Variants in ADGRB3 observed in about 807,000 individuals in gnomAD.
ADGRB3 encodes the protein adhesion G protein-coupled receptor B3.
In ADGRB3, 37 loss-of-function variants were observed where a neutral mutation model predicts 193.4. The ratio of observed to expected loss-of-function variants is 0.19; its 90% CI spans 0.15 to 0.25. The LOEUF is 0.25. Ranked by LOEUF, ADGRB3 falls within the 10% of genes least tolerant of loss-of-function variation. ADGRB3 has a pLI of 1.00. For synonymous variants in ADGRB3, 690 were observed against 644.2 expected, an observed-to-expected ratio of 1.07 and a Z score of -1.08; for missense variants, 1,637 against 1,852.9, an observed-to-expected ratio of 0.88 and a Z score of 2.14.
chr6:68,863,933 A>T (rs1222898737), intron 3 of ADGRB3, among the ~76,000 whole-genome samples: 1 of 152,206 alleles, frequency 6.6e-6, no homozygotes, highest in Admixed American at 6.5e-5. Flanking sequence ...AAATTATTGC[A>T]TTTATTCTAG....
rs564223018 is a variant in ADGRB3, at chr6:69,217,018, G to A, written c.2481-16272G>A. Reference sequence around the variant, plus strand: ...TGAGGAAAAAGGGAAAAGACATTTAGGAGGCATGATTCTTATTCTTGAAGC... The same window carrying A: ...TGAGGAAAAAGGGAAAAGACATTTAAGAGGCATGATTCTTATTCTTGAAGC... On this transcript the variant is annotated intron_variant, in intron 17 of 31. Transcript: ENST00000370598. Among the ~76,000 whole-genome samples the A allele has an allele frequency of 4.6e-5, 7 of 152,248 alleles. No homozygotes were observed. In the East Asian group the frequency reaches 5.8e-4, roughly 13 times the overall value.
In ADGRB3 at chr6:68,835,413, C is replaced by T. The variant is rs561697167; in HGVS notation, c.758-95146C>T. On this transcript the variant is annotated intron_variant, in intron 3 of 31. Transcript: ENST00000370598. ...ATGATGTGTGCTGCTTCCTTGTTCT[C>T]TTATTTGTATAATAAAGAATTATGT... Among the ~76,000 whole-genome samples, 9 of 152,100 alleles carry T rather than the reference C, an allele frequency of 5.9e-5. No homozygotes were observed. In the South Asian group the frequency reaches 1.9e-3, roughly 32 times the overall value.
intron 17 of ADGRB3, among the ~76,000 whole-genome samples, chr6:69,169,648 T>C (rs929622503): frequency 4.6e-5 from 7 of 151,824 alleles, no homozygotes; most frequent in African/African-American, 1.7e-4. Context: ...TTACAAAAAG[T>C]ACAAATTGAA....
chr6:69,085,972 A>G (rs1772537038), intron 17 of ADGRB3, among the ~76,000 whole-genome samples: 1 of 151,988 alleles, frequency 6.6e-6, no homozygotes, highest in South Asian at 2.1e-4. Flanking sequence ...AAATGCATGT[A>G]TCAATAATGA....
chr6:69,349,905 A>G (rs1383139347), intron 26 of ADGRB3, among the ~76,000 whole-genome samples: 1 of 152,168 alleles, frequency 6.6e-6, no homozygotes, highest in Non-Finnish European at 1.5e-5. Context: ...CTTTCCTGTG[A>G]GGTTTGTCTG....
chr6:69,078,838 T>C (rs1388957860), intron 17 of ADGRB3, among the ~76,000 whole-genome samples: 1 of 152,078 alleles, frequency 6.6e-6, no homozygotes. Flanking sequence ...ATAAAAGAAA[T>C]ACTTTGTCTT....
chr6:69,366,678 C>T (rs1336392627), intron 29 of ADGRB3, among the ~76,000 whole-genome samples: 1 of 152,078 alleles, frequency 6.6e-6, no homozygotes, highest in African/African-American at 2.4e-5. Flanking sequence ...TCTTAGCTGT[C>T]AGTTGACCTG....
chr6:69,122,052 G>A (rs1389412569), intron 17 of ADGRB3, among the ~76,000 whole-genome samples: 1 of 151,738 alleles, frequency 6.6e-6, no homozygotes, highest in East Asian at 2.0e-4. Context: ...TCCCAGACGG[G>A]GTGGTGGCCG....
At chr6:68,782,814 G>C (rs1369544473) in intron 3 of ADGRB3, among the ~76,000 whole-genome samples, 1 of 151,420 alleles carries the variant, frequency 6.6e-6, no homozygotes, top group East Asian at 1.9e-4. Flanking sequence ...ACTTTTTGAT[G>C]GGGTTGTTTG....
At chr6:68,794,556 C>T (rs528344791) in intron 3 of ADGRB3, among the ~76,000 whole-genome samples, 1 of 152,052 alleles carries the variant, frequency 6.6e-6, no homozygotes, top group Non-Finnish European at 1.5e-5. Context: ...TTAATATTCA[C>T]AACAACCCTT....
At chr6:69,230,013 A>G (rs1766098808) in intron 17 of ADGRB3, among the ~76,000 whole-genome samples, 1 of 152,210 alleles carries the variant, frequency 6.6e-6, no homozygotes, top group Admixed American at 6.5e-5. Context: ...GAAGAGGTAC[A>G]GTTTACAGCT....
chr6:69,317,451 A>T (rs139385595), intron 20 of ADGRB3, among the ~76,000 whole-genome samples: 3 of 151,484 alleles, frequency 2.0e-5, no homozygotes, highest in African/African-American at 7.3e-5. Flanking sequence ...CTTCCCTGTG[A>T]CAATGCTGAG....
At chr6:69,257,018 T>C (rs1766791853) in intron 20 of ADGRB3, among the ~76,000 whole-genome samples, 1 of 152,204 alleles carries the variant, frequency 6.6e-6, no homozygotes, top group Non-Finnish European at 1.5e-5. Flanking sequence ...TTGATTTGTG[T>C]ATTTTGAACC....
intron 3 of ADGRB3, among the ~76,000 whole-genome samples, chr6:68,781,957 GTA>G (rs1766862063): frequency 6.6e-6 from 1 of 151,882 alleles, no homozygotes; most frequent in Non-Finnish European, 1.5e-5. Flanking sequence ...GTTGTGCCAG[GTA>G]TACTCTTTTT....
chr6:69,167,864 C>T (rs1216893204), intron 17 of ADGRB3, among the ~76,000 whole-genome samples: 1 of 152,092 alleles, frequency 6.6e-6, no homozygotes, highest in African/African-American at 2.4e-5. Flanking sequence ...AGGGGACTTG[C>T]ACTGGGGTGG....
intron 3 of ADGRB3, among the ~76,000 whole-genome samples, chr6:68,724,577 A>T (rs151101574): frequency 2.8e-4 from 42 of 151,734 alleles, no homozygotes; most frequent in African/African-American, 8.2e-4. Context: ...CTGAATTCCT[A>T]TGTAAAAAAT....
intron 13 of ADGRB3, among the ~76,000 whole-genome samples, chr6:69,038,614 A>G (rs1770943303): frequency 6.6e-6 from 1 of 152,194 alleles, no homozygotes; most frequent in African/African-American, 2.4e-5. Flanking sequence ...GAAGATGAAC[A>G]TTTACAAGGA....
intron 3 of ADGRB3, among the ~76,000 whole-genome samples, chr6:68,747,516 T>C (rs577229516): frequency 1.3e-5 from 2 of 152,350 alleles, no homozygotes; most frequent in African/African-American, 4.8e-5. Flanking sequence ...TCTCAAGTCC[T>C]GAAGCAATCT....
At chr6:69,340,348 T>C (rs1768948342) in intron 26 of ADGRB3, among the ~76,000 whole-genome samples, 1 of 152,160 alleles carries the variant, frequency 6.6e-6, no homozygotes, top group Non-Finnish European at 1.5e-5. Flanking sequence ...ATTTATAAGG[T>C]TTATGAGTCA....
Sources: gnomAD v4.1 joint callset for allele counts (sites outside exome capture counted in the v4.1 genomes callset) on GRCh38, gnomAD v4.1.1 for gene constraint, MANE v1.5 for transcripts, NCBI Gene and HGNC (gene_info 2026-07-23, HGNC 2026-07-21) for gene names.